PBX1: variants seen among roughly 807,000 people sequenced by gnomAD.
PBX1 encodes the protein PBX homeobox 1.
In PBX1, 6 loss-of-function variants were observed where a neutral mutation model predicts 53.4. That is an observed-to-expected ratio of 0.11 (90% CI 0.06 to 0.22). The LOEUF is 0.22. Among genes scored for constraint, PBX1 ranks in the 10% least tolerant of loss-of-function variants. PBX1 has a pLI of 1.00. For missense variants in PBX1, 251 were observed against 551.4 expected, an observed-to-expected ratio of 0.46 and a Z score of 5.46; for synonymous variants, 204 against 212.3, an observed-to-expected ratio of 0.96 and a Z score of 0.34.
chr1:164,860,122 A>T (rs965647013), intron 2 of PBX1, among the ~76,000 whole-genome samples: 3 of 152,202 alleles, frequency 2.0e-5, no homozygotes, highest in African/African-American at 7.2e-5. Context: ...AGGTGGAAGG[A>T]TGCTAGGCAG....
intron 2 of PBX1, among the ~76,000 whole-genome samples, chr1:164,883,823 G>T (rs1672717053): frequency 6.6e-6 from 1 of 152,132 alleles, no homozygotes; most frequent in Non-Finnish European, 1.5e-5. Context: ...ATTAACTTTT[G>T]AAAAACATTT....
intron 1 of PBX1, among the ~76,000 whole-genome samples, chr1:164,561,618 G>C (rs532867571): frequency 4.6e-5 from 7 of 152,124 alleles, no homozygotes; most frequent in Admixed American, 1.3e-4. Flanking sequence ...TTAAAAATAA[G>C]TTTGTGAAGT....
chr1:164,609,647 T>G (rs2101822390), intron 2 of PBX1, among the ~76,000 whole-genome samples: 1 of 152,218 alleles, frequency 6.6e-6, no homozygotes, highest in South Asian at 2.1e-4. Context: ...TGAGCAAATC[T>G]GTGTGAGCCG....
chr1:164,828,870 G>A (rs1477741226), intron 8 of PBX1: 2 of 152,204 alleles, frequency 1.3e-5, no homozygotes, highest in Non-Finnish European at 2.9e-5. Context: ...AGACAAGCTT[G>A]TTTTCGGATA....
At chr1:164,862,598 G>A (rs74541594) in intron 2 of PBX1, among the ~76,000 whole-genome samples, 9 of 152,302 alleles carry the variant, frequency 5.9e-5, no homozygotes, top group African/African-American at 1.9e-4. Flanking sequence ...AGATTAATAC[G>A]TGAACAGAGA....
At chr1:164,595,849 G>C (rs79341200) in intron 2 of PBX1, among the ~76,000 whole-genome samples, 9,311 of 152,182 alleles carry the variant, frequency 0.061, 373 homozygotes, top group Middle Eastern at 0.095. Context: ...CACCCAGCCT[G>C]GGCTAGCTAG....
At chr1:164,701,730 CTGCACAAGACTGATTG>C (rs1301084123) in intron 2 of PBX1, among the ~76,000 whole-genome samples, 2 of 152,194 alleles carry the variant, frequency 1.3e-5, no homozygotes, top group Non-Finnish European at 2.9e-5. Flanking sequence ...CACATGGGTC[CTGCACAAGACTGATTG>C]TGCACATTTT....
At chr1:164,629,243 T>C (rs772464282) in intron 2 of PBX1, among the ~76,000 whole-genome samples, 96 of 152,050 alleles carry the variant, frequency 6.3e-4, no homozygotes, top group African/African-American at 2.2e-3. Context: ...AAAAAAAATG[T>C]TAGTGTTAAG....
At chr1:164,881,240 A>G (rs1418317997) in intron 2 of PBX1, among the ~76,000 whole-genome samples, 1 of 151,960 alleles carries the variant, frequency 6.6e-6, no homozygotes, top group East Asian at 1.9e-4. Context: ...TATAAAAGCC[A>G]GTTGATACTT....
chr1:164,786,596 A>G (rs1668188188), intron 2 of PBX1, among the ~76,000 whole-genome samples: 3 of 152,184 alleles, frequency 2.0e-5, no homozygotes, highest in Admixed American at 2.0e-4. Context: ...TAGGAAATCA[A>G]TAGAAAAAAC....
At chr1:164,616,810 G>T (rs1027527425) in intron 2 of PBX1, among the ~76,000 whole-genome samples, 4 of 152,170 alleles carry the variant, frequency 2.6e-5, no homozygotes, top group Non-Finnish European at 5.9e-5. Context: ...GCTAGGCATA[G>T]TGCTAAACCC....
At chr1:164,883,254 C>T (rs534672231) in intron 2 of PBX1, among the ~76,000 whole-genome samples, 12 of 152,176 alleles carry the variant, frequency 7.9e-5, no homozygotes, top group African/African-American at 2.7e-4. Context: ...CAACATGAGA[C>T]GATGTTATTA....
intron 2 of PBX1, among the ~76,000 whole-genome samples, chr1:164,697,321 A>T (rs113483169): frequency 1.3e-5 from 2 of 152,332 alleles, no homozygotes; most frequent in African/African-American, 4.8e-5. Flanking sequence ...AAAGCACGGC[A>T]GCTTCCCAAA....
intron 2 of PBX1, among the ~76,000 whole-genome samples, chr1:164,786,720 T>TGTGTGTGTGTGTGTGTGTGCGC (rs1357886882): frequency 1.7e-5 from 2 of 116,294 alleles, no homozygotes; most frequent in African/African-American, 6.9e-5. Flanking sequence ...TGTGTGTGTG[T>TGTGTGTGTGTGTGTGTGTGCGC]GCGCGCGCAC....
At chr1:164,869,753 A>G (rs940726023) in intron 2 of PBX1, among the ~76,000 whole-genome samples, 1 of 152,260 alleles carries the variant, frequency 6.6e-6, no homozygotes, top group African/African-American at 2.4e-5. Flanking sequence ...GTTTGGCTAG[A>G]GCAGGCAGTG....
intron 2 of PBX1, among the ~76,000 whole-genome samples, chr1:164,608,783 T>A (rs1332674412): frequency 5.9e-5 from 9 of 152,148 alleles, no homozygotes; most frequent in African/African-American, 2.2e-4. Context: ...CAGAGGGGCT[T>A]TCCCATGGAA....
At chr1:164,661,817 AG>A (rs199865869) in intron 2 of PBX1, among the ~76,000 whole-genome samples, 1 of 152,156 alleles carries the variant, frequency 6.6e-6, no homozygotes, top group South Asian at 2.1e-4. Flanking sequence ...GGAAGTTAAA[AG>A]AAAAGTAGTG....
At chr1:164,829,246 T>G (rs535059651) in intron 8 of PBX1, 1 of 152,346 alleles carries the variant, frequency 6.6e-6, no homozygotes, top group South Asian at 2.1e-4. Flanking sequence ...TGAATGGCCA[T>G]TGTAAGGTGC....
At chr1:164,587,004 G>A (rs1300021774) in intron 2 of PBX1, among the ~76,000 whole-genome samples, 2 of 152,182 alleles carry the variant, frequency 1.3e-5, no homozygotes, top group Non-Finnish European at 2.9e-5. Flanking sequence ...GCAGCTCTGC[G>A]TTGTAAGGAT....
Sources: gnomAD v4.1 joint callset for allele counts (sites outside exome capture counted in the v4.1 genomes callset) on GRCh38, gnomAD v4.1.1 for gene constraint, MANE v1.5 for transcripts, NCBI Gene and HGNC (gene_info 2026-07-23, HGNC 2026-07-21) for gene names.